The following DNAH9 variants were observed in gnomAD, a reference collection of about 807,000 sequenced individuals.
DNAH9 encodes dynein axonemal heavy chain 9.
DNAH9 carries 345 observed loss-of-function variants against 471.6 expected under a neutral mutation model. The ratio of observed to expected loss-of-function variants is 0.73; its 90% CI spans 0.67 to 0.80. The LOEUF is 0.80. Among genes scored for constraint, DNAH9 ranks in the 30% least tolerant of loss-of-function variants. DNAH9 has a pLI of 0.00. For missense variants in DNAH9, 5,407 were observed against 5,609.2 expected (o/e 0.96, Z 1.15); for synonymous variants, 2,093 against 2,123.6 (o/e 0.99, Z 0.40).
chr17:11,616,672 A>G (rs531935570), intron 4 of DNAH9, among the ~76,000 whole-genome samples: 3 of 152,264 alleles, frequency 2.0e-5, no homozygotes, highest in Non-Finnish European at 2.9e-5. Context: ...TTATGTCTCT[A>G]TGCTCTGTGA....
At chr17:11,687,773 A>T (rs2074264116) in intron 19 of DNAH9, among the ~76,000 whole-genome samples, 1 of 152,068 alleles carries the variant, frequency 6.6e-6, no homozygotes, top group Non-Finnish European at 1.5e-5. Flanking sequence ...TGAGTATAAT[A>T]AAGTGGGGTT....
intron 19 of DNAH9, among the ~76,000 whole-genome samples, chr17:11,684,487 CT>C (rs2074200478): frequency 6.6e-6 from 1 of 152,180 alleles, no homozygotes. Flanking sequence ...CCAGTTCTCC[CT>C]CTTGAATGAA....
chr17:11,620,834 C>T (rs750035205), intron 6 of DNAH9, among the ~76,000 whole-genome samples: 45 of 152,260 alleles, frequency 3.0e-4, no homozygotes, highest in East Asian at 9.7e-4. Flanking sequence ...AAGTCCAAAA[C>T]GAATGAGTCC....
intron 62 of DNAH9, among the ~76,000 whole-genome samples, chr17:11,928,467 C>A (rs1424200365): frequency 6.6e-6 from 1 of 152,194 alleles, no homozygotes; most frequent in African/African-American, 2.4e-5. Flanking sequence ...AAATATTTAT[C>A]AAGGAGCTTT....
rs2072313940 is a variant in DNAH9 at position 11,598,717 on chromosome 17, G to A, written c.219G>A (p.Val73=). ...CCGAGGGGCCGCGGCCGCTGCTGGT[G>A]GTGCGGCCCGGGCCCAGGGGCCTGG... ...DAAEGPRPLL[V]VRPGPRGLAI... Residue 73 remains valine (V), a synonymous_variant, in exon 1 of 69, where the codon GTG becomes GTA. Transcript: ENST00000262442. The A allele has an allele frequency of 2.2e-6, 3 of 1,380,402 alleles. No individual in the cohort carries two copies. In the East Asian group the frequency reaches 9.2e-5, roughly 42 times the overall value. The allele number at this position is 1,380,402 out of a possible 1,614,324, so 85.5% of individuals were successfully genotyped here. A position where few individuals can be genotyped will look rare whatever the true frequency, so the allele number is the denominator to read the frequency against.
chr17:11,748,281 C>T (rs1047168665), intron 32 of DNAH9, among the ~76,000 whole-genome samples: 5 of 151,764 alleles, frequency 3.3e-5, no homozygotes, highest in Admixed American at 2.0e-4. Flanking sequence ...GAGCCAAGAT[C>T]GTGCCACTGC....
intron 49 of DNAH9, among the ~76,000 whole-genome samples, chr17:11,850,650 CAAAAA>C (rs35966472): frequency 2.9e-5 from 4 of 139,632 alleles, no homozygotes; most frequent in East Asian, 2.3e-4. Flanking sequence ...GACTCCATGT[CAAAAA>C]AAAAAAAAAA....
chr17:11,812,026 AATATATATATATATAT>A lies in DNAH9; in HGVS notation c.8707+1671_8707+1686del, dbSNP rs1555601078. Among the ~76,000 whole-genome samples the A allele has an allele frequency of 1.3e-3, 49 of 36,748 alleles. 5 individuals carry two copies. Among genetic ancestry groups the A allele is most frequent in the Non-Finnish European group, 2.3e-3 (45 of 19,188 alleles). The allele number at this position is 36,748 out of a possible 152,430, so 24.1% of individuals were successfully genotyped here. ...AAAAAAAAAAAAAAAAAAAAAAAAA[AATATATATATATATAT>A]ATATATATATATACACATACATACA... On this transcript the variant is annotated intron_variant, in intron 45 of 68. Transcript: ENST00000262442.
In DNAH9 at chr17:11,871,850, G is replaced by T. The variant is rs190789938; in HGVS notation, c.10242+64G>T. 50 of 1,555,314 alleles carry T rather than the reference G, an allele frequency of 3.2e-5. 1 individual carries two copies. In the African/African-American group the frequency reaches 5.7e-4, roughly 18 times the overall value. On this transcript the variant is annotated intron_variant, in intron 52 of 68. Coordinates refer to ENST00000262442, the MANE Select transcript of DNAH9 (RefSeq NM_001372.4). ...CTGGGCACCAATGGGAAGACATCAC[G>T]GTCATAATTCGCATCCTCTGGTGTC...
intron 26 of DNAH9, among the ~76,000 whole-genome samples, chr17:11,708,733 G>A (rs2074776122): frequency 6.6e-6 from 1 of 152,134 alleles, no homozygotes; most frequent in Non-Finnish European, 1.5e-5. Flanking sequence ...TGCCTATCTT[G>A]GAATATAAGC....
intron 52 of DNAH9, among the ~76,000 whole-genome samples, chr17:11,872,844 C>G (rs1036011386): frequency 6.6e-6 from 1 of 152,132 alleles, no homozygotes; most frequent in Non-Finnish European, 1.5e-5. Context: ...GGCGTGAACC[C>G]GGGAGGCGAA....
intron 39 of DNAH9, among the ~76,000 whole-genome samples, chr17:11,781,783 G>A (rs1968674495): frequency 6.9e-6 from 1 of 145,396 alleles, no homozygotes; most frequent in African/African-American, 2.6e-5. Flanking sequence ...AGTGAGCTGA[G>A]ATCATACCAC....
In DNAH9 at chr17:11,879,205, TATC is replaced by T. The variant is rs1023626256; in HGVS notation, c.10479-870_10479-868del. Among the ~76,000 whole-genome samples, 19 of 152,232 alleles carry T rather than the reference TATC, an allele frequency of 1.2e-4. No homozygotes were observed. In the East Asian group the frequency reaches 3.5e-3, roughly 28 times the overall value. ...AAAAATGAGAGGGCGGGGTAGGAGT[TATC>T]ATAAAAAACAAAGAAATAAAAACTT... On this transcript the variant is annotated intron_variant, in intron 53 of 68. Coordinates refer to ENST00000262442, the MANE Select transcript of DNAH9 (RefSeq NM_001372.4).
rs113646881 is a variant in DNAH9 at position 11,965,287 on chromosome 17, C to T, written c.13233+3031C>T. ...GAGTTTTAAACTGCCTGGCTAAGCA[C>T]TGAAGGTGTGCTCCAACACTTGCAC... On this transcript the variant is annotated intron_variant, in intron 68 of 68. Coordinates refer to ENST00000262442, the MANE Select transcript of DNAH9 (RefSeq NM_001372.4). 3.0e-4 allele frequency among the ~76,000 whole-genome samples: 45 copies of T among 152,318 alleles called. No individual in the cohort carries two copies. In the East Asian group the frequency reaches 8.5e-3, roughly 29 times the overall value.
At chr17:11,674,124 C>T (rs1405634679) in intron 17 of DNAH9, among the ~76,000 whole-genome samples, 1 of 152,146 alleles carries the variant, frequency 6.6e-6, no homozygotes, top group Non-Finnish European at 1.5e-5. Flanking sequence ...AGTTGTTGAA[C>T]ATTTGGGTTG....
In DNAH9 at chr17:11,742,306, C is replaced by T. The variant is rs747320293; in HGVS notation, c.6104C>T (p.Ser2035Phe). Residue 2035 changes from serine (S) to phenylalanine (F), a missense_variant, in exon 30 of 69, where the codon TCC becomes TTC. This residue lies in a region of DNAH9 where 4,636 missense variants were observed against 4,900.3 expected (regional missense o/e 0.95). Transcript: ENST00000262442. ...TLYQLCKELLSKQDHYDWGLR... is the reference protein window; with the variant it reads ...TLYQLCKELLFKQDHYDWGLR... ...TACCAGTTGTGCAAAGAGCTTCTCTCCAAACAGGTAGGATCTCTAGGGAGG... is the reference window on the plus strand; with the variant it reads ...TACCAGTTGTGCAAAGAGCTTCTCTTCAAACAGGTAGGATCTCTAGGGAGG... 37 of 1,613,982 alleles carry T rather than the reference C, an allele frequency of 2.3e-5. No homozygotes were observed. The highest frequency in any genetic ancestry group is 3.0e-5 in the Non-Finnish European group (35 of 1,179,994).
intron 67 of DNAH9, among the ~76,000 whole-genome samples, chr17:11,946,266 G>A (rs1192456461): frequency 6.8e-6 from 1 of 147,948 alleles, no homozygotes; most frequent in Non-Finnish European, 1.5e-5. Flanking sequence ...CTTTAAACTT[G>A]AACAGCTTCA....
At chr17:11,843,014 G>T (rs1355916159) in intron 49 of DNAH9, among the ~76,000 whole-genome samples, 1 of 137,934 alleles carries the variant, frequency 7.2e-6, no homozygotes, top group Non-Finnish European at 1.7e-5. Context: ...AGTAAAGTAG[G>T]AATAAAATAA....
chr17:11,814,378 G>GT (rs1270700264), intron 45 of DNAH9, among the ~76,000 whole-genome samples: 1 of 152,114 alleles, frequency 6.6e-6, no homozygotes, highest in African/African-American at 2.4e-5. Flanking sequence ...CAAGTGTGAT[G>GT]TTTCTTCCAC....
Sources: gnomAD v4.1 joint callset for allele counts (sites outside exome capture counted in the v4.1 genomes callset) on GRCh38, gnomAD v4.1.1 for gene constraint, gnomAD v4.1.1 regional missense constraint, MANE v1.5 for transcripts, NCBI Gene and HGNC (gene_info 2026-07-23, HGNC 2026-07-21) for gene names.